Variants in CNTLN observed in about 807,000 individuals in gnomAD.
CNTLN encodes the protein centlein, centrosomal protein.
In CNTLN, 212 loss-of-function variants were observed where a neutral mutation model predicts 180.0. The observed-to-expected ratio is 1.18, with a 90% CI of 1.05 to 1.32. CNTLN has a LOEUF of 1.32. Among genes scored for constraint, CNTLN ranks in the 40% most tolerant of loss-of-function variants. CNTLN has a pLI of 0.00. For synonymous variants in CNTLN, 722 were observed against 563.1 expected, an observed-to-expected ratio of 1.28 and a Z score of -3.99; for missense variants, 2,095 against 1,610.9, an observed-to-expected ratio of 1.30 and a Z score of -5.14.
chr9:17,524,198 T>C, the CNTLN span, among the ~76,000 whole-genome samples: 9 of 152,184 alleles, frequency 5.9e-5, no homozygotes, highest in Admixed American at 5.2e-4. Flanking sequence ...TTTTATTTAT[T>C]TGTTTGTTTT....
intron 5 of CNTLN, among the ~76,000 whole-genome samples, chr9:17,242,151 A>G (rs1825532524): frequency 6.6e-6 from 1 of 152,200 alleles, no homozygotes; most frequent in Admixed American, 6.5e-5. Context: ...GCTTTTCCAC[A>G]TTCAGTATCA....
chr9:17,138,885 A>C (rs1817893604), intron 1 of CNTLN, among the ~76,000 whole-genome samples: 2 of 152,148 alleles, frequency 1.3e-5, no homozygotes, highest in Non-Finnish European at 2.9e-5. Context: ...GATGGTATCT[A>C]TTTCCAGGTC....
intron 7 of CNTLN, chr9:17,299,476 C>T (rs893204977): frequency 1.4e-5 from 14 of 981,520 alleles, no homozygotes; most frequent in African/African-American, 3.5e-5. Context: ...CTGTGAAAAT[C>T]GAATGTCTAT....
rs777722211 is a variant in CNTLN, at chr9:17,502,607, G to T, written c.4176G>T (p.Lys1392Asn). 7.2e-7 allele frequency: 1 copy of T among 1,392,814 alleles called. No individual in the cohort carries two copies. Among genetic ancestry groups the T allele is most frequent in the South Asian group, 1.3e-5 (1 of 75,924 alleles). 86.3% of individuals were successfully genotyped at this position (1,392,814 alleles called of 1,614,324 possible). A position where few individuals can be genotyped will look rare whatever the true frequency, so the allele number is the denominator to read the frequency against. ...EAVLEKINEKKKLVEGYFTIM... is the reference protein window; with the variant it reads ...EAVLEKINEKNKLVEGYFTIM... ...TACTGGAAAAAATAAATGAAAAAAA[G>T]AAACTAGTTGAAGGATATTTCACAA... The change falls in exon 26 of 26, where the codon AAG becomes AAT. Residue 1392 changes from lysine to asparagine, a missense_variant. By Grantham distance (94) the Lys-to-Asn change is moderately conservative. Transcript: ENST00000380647.
chr9:17,292,756 G>A (rs1316764724), intron 6 of CNTLN, among the ~76,000 whole-genome samples: 1 of 152,008 alleles, frequency 6.6e-6, no homozygotes, highest in African/African-American at 2.4e-5. Context: ...TGTTCCTTTG[G>A]CTCAGCTAAG....
At chr9:17,272,722 A>AT (rs1360792477) in intron 5 of CNTLN, among the ~76,000 whole-genome samples, 1 of 152,142 alleles carries the variant, frequency 6.6e-6, no homozygotes, top group African/African-American at 2.4e-5. Context: ...TTTTAAGAGT[A>AT]TGAGAGCCCT....
rs1819336779 is a variant in CNTLN at position 17,313,353 on chromosome 9, G to C, written c.1341+4101G>C. Among the ~76,000 whole-genome samples the C allele has an allele frequency of 2.0e-5, 3 of 151,532 alleles. 1 individual carries two copies. The South Asian group carries it at 6.3e-4, about 32-fold the overall frequency. Reference sequence around the variant, plus strand: ...TGTACCATATTATCATTTGTTTTCTGTTCATCCTGTTTTTCGTTTCTCTGC... The same window carrying C: ...TGTACCATATTATCATTTGTTTTCTCTTCATCCTGTTTTTCGTTTCTCTGC... On this transcript the variant is annotated intron_variant, in intron 8 of 25. Coordinates refer to ENST00000380647, the MANE Select transcript of CNTLN (RefSeq NM_017738.4).
chr9:17,524,280 T>C, the CNTLN span, among the ~76,000 whole-genome samples: 1 of 152,196 alleles, frequency 6.6e-6, no homozygotes, highest in Non-Finnish European at 1.5e-5. Flanking sequence ...CTGCCATTGG[T>C]AATAGAGACC....
the CNTLN span, among the ~76,000 whole-genome samples, chr9:17,518,705 T>G: frequency 1.3e-5 from 2 of 152,162 alleles, no homozygotes. Flanking sequence ...CAATGAAATG[T>G]GAGTGTAAGT....
At chr9:17,429,828 T>C (rs1829310439) in intron 18 of CNTLN, among the ~76,000 whole-genome samples, 1 of 151,958 alleles carries the variant, frequency 6.6e-6, no homozygotes, top group Admixed American at 6.6e-5. Context: ...TTAAGTATAG[T>C]AGAATTTTTT....
intron 5 of CNTLN, among the ~76,000 whole-genome samples, chr9:17,250,725 T>C (rs1409529808): frequency 1.3e-5 from 2 of 152,108 alleles, no homozygotes; most frequent in Non-Finnish European, 2.9e-5. Flanking sequence ...GTAGTTTTTA[T>C]GTAGTTTATA....
chr9:17,512,227 G>C, the CNTLN span, among the ~76,000 whole-genome samples: 1 of 152,188 alleles, frequency 6.6e-6, no homozygotes, highest in Non-Finnish European at 1.5e-5. Context: ...TAAAGCATTA[G>C]AGATTCAAAG....
chr9:17,427,096 A>G (rs559038262), intron 18 of CNTLN, among the ~76,000 whole-genome samples: 12 of 152,112 alleles, frequency 7.9e-5, no homozygotes, highest in African/African-American at 2.7e-4. Flanking sequence ...ACTCCAGAGG[A>G]TTCTCAAATT....
At chr9:17,299,940 C>G (rs1818230389) in intron 7 of CNTLN, 1 of 244,990 alleles carries the variant, frequency 4.1e-6, no homozygotes, top group African/African-American at 2.3e-5. Flanking sequence ...TTGTGGTCCT[C>G]CCCAGTCTCC....
intron 6 of CNTLN, 46 bp from the exon 7 acceptor site, chr9:17,298,144 T>C (rs1401693428): frequency 7.3e-7 from 1 of 1,362,416 alleles, no homozygotes; most frequent in Non-Finnish European, 9.6e-7. Context: ...TTAACTGAGA[T>C]GATCTTTATC....
chr9:17,265,393 A>T (rs1480656008), intron 5 of CNTLN, among the ~76,000 whole-genome samples: 1 of 152,164 alleles, frequency 6.6e-6, no homozygotes, highest in African/African-American at 2.4e-5. Context: ...GATGAAGCCC[A>T]CTTGATCATG....
chr9:17,242,667 G>T (rs1825566589), intron 5 of CNTLN, among the ~76,000 whole-genome samples: 1 of 152,144 alleles, frequency 6.6e-6, no homozygotes, highest in South Asian at 2.1e-4. Context: ...CCCAATGATT[G>T]ATTTGCATAT....
At chr9:17,479,802 A>G (rs1454238312) in intron 23 of CNTLN, among the ~76,000 whole-genome samples, 2 of 152,226 alleles carry the variant, frequency 1.3e-5, no homozygotes, top group African/African-American at 2.4e-5. Context: ...ACCAATAACT[A>G]TAATATAAAT....
intron 18 of CNTLN, among the ~76,000 whole-genome samples, chr9:17,449,243 A>G (rs1484166112): frequency 3.3e-5 from 5 of 152,084 alleles, no homozygotes; most frequent in South Asian, 4.2e-4. Context: ...ACCATTAGGT[A>G]TATCTCCCAG....
Sources: allele counts gnomAD v4.1 joint callset (sites outside exome capture counted in the v4.1 genomes callset), GRCh38; gene constraint gnomAD v4.1.1; transcripts MANE v1.5; gene names NCBI Gene and HGNC (gene_info 2026-07-23, HGNC 2026-07-21).